The following DLGAP2 variants were observed in gnomAD, a reference collection of about 807,000 sequenced individuals.
DLGAP2 encodes the protein disks large-associated protein 2.
Under a neutral mutation model 100.3 loss-of-function variants are expected in DLGAP2, and 26 were observed. The ratio of observed to expected loss-of-function variants is 0.26; its 90% confidence interval spans 0.19 to 0.36. DLGAP2 has a LOEUF of 0.36. Ranked by LOEUF, DLGAP2 falls within the 10% of genes least tolerant of loss-of-function variation. DLGAP2 has a pLI of 1.00. For missense variants in DLGAP2, 1,858 were observed against 1,453.2 expected (o/e 1.28, Z -4.53); for synonymous variants, 886 against 630.1 (o/e 1.41, Z -6.08).
chr8:920,657 A>G (rs1231851891), intron 2 of DLGAP2, among the ~76,000 whole-genome samples: 2 of 152,154 alleles, frequency 1.3e-5, no homozygotes, highest in Admixed American at 6.6e-5. Context: ...AGGCTGAGGT[A>G]CAAGGAGTGC....
chr8:1,358,964 C>G (rs766394969), intron 3 of DLGAP2, among the ~76,000 whole-genome samples: 4 of 152,130 alleles, frequency 2.6e-5, no homozygotes, highest in African/African-American at 9.7e-5. Flanking sequence ...ACCTCTGGGC[C>G]AGCGGGTCTG....
At chr8:834,315 G>A (rs981814933) in intron 1 of DLGAP2, among the ~76,000 whole-genome samples, 1 of 152,092 alleles carries the variant, frequency 6.6e-6, no homozygotes, top group Non-Finnish European at 1.5e-5. Flanking sequence ...TTAATTTGTG[G>A]GCTTTAACAT....
chr8:1,603,687 TCTC>T (rs1243187353), intron 6 of DLGAP2, among the ~76,000 whole-genome samples: 3 of 152,144 alleles, frequency 2.0e-5, no homozygotes, highest in Non-Finnish European at 4.4e-5. Context: ...GGCCATGACA[TCTC>T]CTCCACACTG....
intron 2 of DLGAP2, among the ~76,000 whole-genome samples, chr8:1,164,397 C>G (rs199876767): frequency 2.1e-5 from 3 of 142,356 alleles, no homozygotes; most frequent in East Asian, 2.2e-4. Flanking sequence ...TCCCAGGGCC[C>G]GTCGTTTTGG....
intron 4 of DLGAP2, among the ~76,000 whole-genome samples, chr8:1,506,496 G>T (rs1474641637): frequency 2.0e-5 from 3 of 152,192 alleles, no homozygotes; most frequent in African/African-American, 7.2e-5. Context: ...GATCTTCGCG[G>T]TGAGTGTTGC....
At chr8:1,236,368 G>A (rs1378984290) in intron 2 of DLGAP2, among the ~76,000 whole-genome samples, 13 of 49,428 alleles carry the variant, frequency 2.6e-4, no homozygotes, top group African/African-American at 7.5e-4. Flanking sequence ...CCATGGCGCC[G>A]TGTCTAGTTA....
intron 6 of DLGAP2, among the ~76,000 whole-genome samples, chr8:1,605,370 G>C (rs1796763220): frequency 6.6e-6 from 1 of 152,148 alleles, no homozygotes. Flanking sequence ...CTCTCAGAGT[G>C]CGTGCCTCTG....
chr8:1,289,551 G>A (rs554925377), intron 3 of DLGAP2, among the ~76,000 whole-genome samples: 1 of 152,208 alleles, frequency 6.6e-6, no homozygotes, highest in Non-Finnish European at 1.5e-5. Flanking sequence ...TTCGTTCCTT[G>A]TGGATGCCAG....
intron 2 of DLGAP2, among the ~76,000 whole-genome samples, chr8:922,139 G>A (rs1246383080): frequency 6.6e-6 from 1 of 152,212 alleles, no homozygotes; most frequent in Non-Finnish European, 1.5e-5. Context: ...TGTTTTCAGA[G>A]GCGCCGAGTT....
At chr8:1,516,699 ATGAG>A (rs1381662265) in intron 4 of DLGAP2, among the ~76,000 whole-genome samples, 6 of 151,584 alleles carry the variant, frequency 4.0e-5, no homozygotes, top group South Asian at 2.1e-4. Flanking sequence ...GACTGAGTGA[ATGAG>A]TGGGTGACTG....
At chr8:842,978 C>T (rs866597745) in intron 1 of DLGAP2, among the ~76,000 whole-genome samples, 4 of 152,162 alleles carry the variant, frequency 2.6e-5, no homozygotes, top group African/African-American at 4.8e-5. Flanking sequence ...TTTTGACTCA[C>T]TTTGTGGATG....
chr8:853,356 C>G (rs1167555551), intron 1 of DLGAP2, among the ~76,000 whole-genome samples: 3 of 152,224 alleles, frequency 2.0e-5, no homozygotes, highest in African/African-American at 7.2e-5. Context: ...CGCATGTCGT[C>G]CAACAGGAAG....
At chr8:1,067,290 G>A (rs952849217) in intron 2 of DLGAP2, among the ~76,000 whole-genome samples, 4 of 152,212 alleles carry the variant, frequency 2.6e-5, no homozygotes, top group African/African-American at 7.2e-5. Context: ...GTATGCTCTG[G>A]TCAGGAGGTT....
intron 6 of DLGAP2, chr8:1,622,093 C>T (rs1029821328): frequency 1.3e-5 from 2 of 152,210 alleles, no homozygotes; most frequent in Non-Finnish European, 2.9e-5. Flanking sequence ...TTCCATTTTG[C>T]AGGTGGAATA....
intron 2 of DLGAP2, among the ~76,000 whole-genome samples, chr8:1,008,332 C>T (rs1044592059): frequency 1.8e-4 from 28 of 152,156 alleles, no homozygotes; most frequent in African/African-American, 6.3e-4. Flanking sequence ...CTTTGCACAA[C>T]GAGTGTCTAT....
intron 2 of DLGAP2, among the ~76,000 whole-genome samples, chr8:1,173,855 C>T (rs1039211546): frequency 6.6e-6 from 1 of 152,240 alleles, no homozygotes; most frequent in African/African-American, 2.4e-5. Flanking sequence ...ATGCGTCGCC[C>T]TGCTTCGGCT....
chr8:1,309,003 G>A (rs117573632), intron 3 of DLGAP2, among the ~76,000 whole-genome samples: 1,740 of 152,172 alleles, frequency 0.011, 19 homozygotes, highest in South Asian at 0.052. Flanking sequence ...ATTTGAGCAG[G>A]TAGAGGAAAG....
chr8:919,631 G>C (rs934890198), intron 2 of DLGAP2, among the ~76,000 whole-genome samples: 6 of 152,240 alleles, frequency 3.9e-5, no homozygotes, highest in African/African-American at 1.4e-4. Flanking sequence ...TGGGGCCCCG[G>C]TGTGCCCGGG....
chr8:946,859 C>A (rs552907488), intron 2 of DLGAP2, among the ~76,000 whole-genome samples: 1 of 152,184 alleles, frequency 6.6e-6, no homozygotes, highest in Non-Finnish European at 1.5e-5. Flanking sequence ...CCGTCCCTGA[C>A]GGTGGCTGCC....
Sources: gnomAD v4.1 joint callset for allele counts (sites outside exome capture counted in the v4.1 genomes callset) on GRCh38, gnomAD v4.1.1 for gene constraint, MANE v1.5 for transcripts, NCBI Gene and HGNC (gene_info 2026-07-23, HGNC 2026-07-21) for gene names.